The following RNF43 variants were observed in gnomAD, a reference collection of about 807,000 sequenced individuals.
RNF43 encodes the protein E3 ubiquitin-protein ligase RNF43.
A neutral mutation model predicts 78.4 loss-of-function variants in RNF43; 37 were observed. The ratio of observed to expected loss-of-function variants is 0.47; its 90% CI spans 0.36 to 0.62. The LOEUF is 0.62. Among genes scored for constraint, RNF43 ranks in the 20% least tolerant of loss-of-function variants. The probability of loss-of-function intolerance (pLI) is 0.00; values close to 1 mark genes in which losing one functional copy is unlikely to be tolerated. For missense variants in RNF43, 774 were observed against 1,007.9 expected (o/e 0.77, Z 3.14); for synonymous variants, 347 against 395.0 (o/e 0.88, Z 1.44).
At chr17:58,365,783 T>C (rs1371932499) in intron 3 of RNF43, among the ~76,000 whole-genome samples, 1 of 152,114 alleles carries the variant, frequency 6.6e-6, no homozygotes, top group African/African-American at 2.4e-5. Context: ...AGAGAGAGGA[T>C]AGGCAGGCCC....
rs147371559 is a variant in RNF43 at position 58,360,439 on chromosome 17, C to T, written c.850-188G>A. On this transcript the variant is annotated intron_variant, in intron 7 of 9. Transcript: ENST00000407977. The surrounding 1 kb of genome is among the most constrained non-coding windows in gnomAD (Gnocchi z 4.3). ...CTGGATTTTGCACTTAGCTGCATGA[C>T]GTTGGGCAACTTTCTTAACAGACAG... Among the ~76,000 whole-genome samples the T allele has an allele frequency of 1.2e-4, 19 of 152,292 alleles. No homozygotes were observed. The highest frequency in any genetic ancestry group is 2.9e-4 in the African/African-American group (12 of 41,558).
At chr17:58,385,968 G>A (rs1422849257) in intron 2 of RNF43, among the ~76,000 whole-genome samples, 1 of 151,990 alleles carries the variant, frequency 6.6e-6, no homozygotes, top group Non-Finnish European at 1.5e-5. Flanking sequence ...AAATTAGCTG[G>A]GCACACTAGC....
At chr17:58,356,801 T>G (rs1256288821) in intron 9 of RNF43, among the ~76,000 whole-genome samples, 1 of 152,052 alleles carries the variant, frequency 6.6e-6, no homozygotes, top group African/African-American at 2.4e-5. Context: ...TACTGAGCTG[T>G]GAGCATTGGT....
chr17:58,358,645 T>A lies in RNF43; in HGVS notation c.1131A>T (p.Pro377=), dbSNP rs367829905. The stretch of plus-strand genomic sequence containing the variant: ...GAGGGCCCATGCCTGGCTCCTGGGA[T>A]GGCAGGAAGGGACCAGGTCGTGGGG... The part of the protein sequence containing the change: ...ARPPRPGPFL[P]SQEPGMGPRH... The change falls in exon 9 of 10, where the codon CCA becomes CCT. Residue 377 remains proline (P), a synonymous_variant. Coordinates refer to ENST00000407977, the MANE Select transcript of RNF43 (RefSeq NM_017763.6). The surrounding 1 kb of genome is among the most constrained non-coding windows in gnomAD (Gnocchi z 6.2). 3.6e-4 allele frequency: 559 copies of A among 1,531,636 alleles called. 5 individuals carry two copies. Among genetic ancestry groups the A allele is most frequent in the Non-Finnish European group, 3.5e-5 (40 of 1,136,748 alleles). The allele number at this position is 1,531,636 out of a possible 1,614,324, so 94.9% of individuals were successfully genotyped here. A position where few individuals can be genotyped will look rare whatever the true frequency, so the allele number is the denominator to read the frequency against.
chr17:58,376,851 G>A (rs769027935), intron 2 of RNF43, among the ~76,000 whole-genome samples: 19 of 152,142 alleles, frequency 1.2e-4, no homozygotes, highest in Non-Finnish European at 2.5e-4. Flanking sequence ...CCAGGAGTTA[G>A]GACACCACTG....
rs961536782 is a variant in RNF43 at position 58,415,751 on chromosome 17, G to T, written c.-174C>A. On this transcript the variant is annotated 5_prime_UTR_variant, in exon 2 of 10. Coordinates refer to ENST00000407977, the MANE Select transcript of RNF43 (RefSeq NM_017763.6). Reference sequence around the variant, plus strand: ...CTCTAAAGTTTATTCCCAAAAACAGGTAGCATTCCTGATTGGGCAGAGAAG... The same window carrying T: ...CTCTAAAGTTTATTCCCAAAAACAGTTAGCATTCCTGATTGGGCAGAGAAG... 17 of 684,950 alleles carry T rather than the reference G, an allele frequency of 2.5e-5. No homozygotes were observed. Among genetic ancestry groups the T allele is most frequent in the Middle Eastern group, 4.1e-4 (1 of 2,444 alleles). The allele number at this position is 684,950 out of a possible 1,614,324, so 42.4% of individuals were successfully genotyped here.
intron 3 of RNF43, among the ~76,000 whole-genome samples, chr17:58,369,270 A>C (rs1318779474): frequency 6.6e-6 from 1 of 152,246 alleles, no homozygotes; most frequent in African/African-American, 2.4e-5. Context: ...ACAGCCTTGC[A>C]GAGATGCCAC....
chr17:58,367,234 C>T lies in RNF43; in HGVS notation c.376-3634G>A, dbSNP rs532754555. 1.7e-4 allele frequency among the ~76,000 whole-genome samples: 26 copies of T among 152,076 alleles called. No individual in the cohort carries two copies. The East Asian group carries it at 3.7e-3, about 22-fold the overall frequency. On this transcript the variant is annotated intron_variant, in intron 3 of 9. Coordinates refer to ENST00000407977, the MANE Select transcript of RNF43 (RefSeq NM_017763.6). ...CAGGCTGGTCTTAAACTCCTGACCT[C>T]GTGATCCACCTGCCTCAGCCTCTGA... is the stretch of plus-strand genomic sequence containing the variant.
At chr17:58,363,137 C>T (rs111524512) in intron 5 of RNF43, 138 bp downstream of exon 5, 16 of 1,091,792 alleles carry the variant, frequency 1.5e-5, no homozygotes, top group Non-Finnish European at 1.4e-5. Context: ...CAGAGGCACA[C>T]AGCTGATGGA....
At chr17:58,384,729 G>A (rs1373869984) in intron 2 of RNF43, among the ~76,000 whole-genome samples, 1 of 152,168 alleles carries the variant, frequency 6.6e-6, no homozygotes, top group African/African-American at 2.4e-5. Flanking sequence ...GAGTAAAAGG[G>A]CAGAAGCACG....
chr17:58,383,612 G>A (rs912788744), intron 2 of RNF43, among the ~76,000 whole-genome samples: 1 of 151,996 alleles, frequency 6.6e-6, no homozygotes, highest in Non-Finnish European at 1.5e-5. Context: ...TGAAGCCCAA[G>A]TTTTTTTGTT....
chr17:58,380,392 G>T (rs1344253732), intron 2 of RNF43, among the ~76,000 whole-genome samples: 2 of 152,144 alleles, frequency 1.3e-5, no homozygotes, highest in African/African-American at 4.8e-5. Context: ...CTGAGGCATG[G>T]TCTTAACTCT....
At chr17:58,394,341 G>C (rs1973628077) in intron 2 of RNF43, among the ~76,000 whole-genome samples, 1 of 152,062 alleles carries the variant, frequency 6.6e-6, no homozygotes. Flanking sequence ...TGCTCTTATA[G>C]AAAATAGCCT....
Position 58,360,878 on chromosome 17 carries a change from A to C in RNF43, c.754T>G (p.Cys252Gly). The C allele has an allele frequency of 6.2e-7, 1 of 1,612,310 alleles. No homozygotes were observed. Residue 252 changes from cysteine (C) to glycine (G), a missense_variant, in exon 7 of 10, where the codon TGC becomes GGC. Cys to Gly is a radical substitution (Grantham distance 159). Coordinates refer to ENST00000407977, the MANE Select transcript of RNF43 (RefSeq NM_017763.6). The surrounding 1 kb of genome is among the most constrained non-coding windows in gnomAD (Gnocchi z 4.3). ...QLATRRYQAS[C>G]RQARGEWPDS... is the part of the protein sequence containing the mutation. ...GGCCACTCACCCCGGGCCTGCCTGC[A>C]GCTGGCCTGGTACCTCCTGGTGGCC...
chr17:58,370,392 T>G (rs1259386444), intron 3 of RNF43, among the ~76,000 whole-genome samples: 1 of 152,156 alleles, frequency 6.6e-6, no homozygotes, highest in Non-Finnish European at 1.5e-5. Flanking sequence ...TATATAAACA[T>G]TTTTAATTTT....
At chr17:58,363,628 C>T in intron 3 of RNF43, 28 bp from the exon 4 acceptor site, 1 of 1,597,982 alleles carries the variant, frequency 6.3e-7, no homozygotes, top group Non-Finnish European at 8.5e-7. Flanking sequence ...AGAGGTTGGG[C>T]TGAGGTCAGG....
chr17:58,373,797 C>A (rs1317014368), intron 2 of RNF43, among the ~76,000 whole-genome samples: 4 of 152,038 alleles, frequency 2.6e-5, no homozygotes, highest in Non-Finnish European at 5.9e-5. Flanking sequence ...AACCCATTAA[C>A]CATCTCCATC....
chr17:58,399,953 TA>T (rs1187666492), intron 2 of RNF43, among the ~76,000 whole-genome samples: 2 of 152,000 alleles, frequency 1.3e-5, no homozygotes, highest in Admixed American at 6.6e-5. Flanking sequence ...AGCAGCAATT[TA>T]AAAAAATACT....
chr17:58,379,700 G>A (rs991640285), intron 2 of RNF43, among the ~76,000 whole-genome samples: 10 of 152,326 alleles, frequency 6.6e-5, no homozygotes, highest in African/African-American at 2.4e-4. Context: ...CAGGTCAGGA[G>A]TGCACTCGTA....
Sources: gnomAD v4.1 joint callset for allele counts (sites outside exome capture counted in the v4.1 genomes callset) on GRCh38, gnomAD v4.1.1 for gene constraint, Gnocchi (gnomAD v3.1) non-coding constraint, MANE v1.5 for transcripts, NCBI Gene and HGNC (gene_info 2026-07-23, HGNC 2026-07-21) for gene names.